RAB27A: variants seen among roughly 807,000 people sequenced by gnomAD.
RAB27A encodes ras-related protein Rab-27A.
RAB27A carries 17 observed loss-of-function variants against 20.8 expected under a neutral mutation model. The observed-to-expected ratio is 0.82, with a 90% CI of 0.56 to 1.23. The LOEUF is 1.23. Among genes scored for constraint, RAB27A ranks in the 50% most tolerant of loss-of-function variants. The probability of loss-of-function intolerance (pLI) is 0.00; values close to 1 mark genes in which losing one functional copy is unlikely to be tolerated. For synonymous variants in RAB27A, 85 were observed against 92.8 expected (o/e 0.92, Z 0.48); for missense variants, 277 against 266.7 (o/e 1.04, Z -0.27).
chr15:55,286,240 T>C (rs572370058), intron 1 of RAB27A, among the ~76,000 whole-genome samples: 8 of 152,312 alleles, frequency 5.3e-5, no homozygotes, highest in Non-Finnish European at 1.2e-4. Flanking sequence ...GTTCCCTTTT[T>C]CATTAGTTCA....
intron 2 of RAB27A, among the ~76,000 whole-genome samples, chr15:55,252,704 GTATC>G (rs57596484): frequency 0.043 from 6,474 of 151,916 alleles, 462 homozygotes; most frequent in African/African-American, 0.15. Context: ...ACAGATATAC[GTATC>G]TATCTATCTA....
At chr15:55,249,280 G>C (rs943195807) in intron 2 of RAB27A, among the ~76,000 whole-genome samples, 2 of 152,136 alleles carry the variant, frequency 1.3e-5, no homozygotes, top group African/African-American at 4.8e-5. Context: ...GAGGAATTAA[G>C]TGTATTTATT....
chr15:55,270,066 A>ATT (rs1897655589), intron 2 of RAB27A, 99 bp downstream of exon 2: 1 of 152,032 alleles, frequency 6.6e-6, no homozygotes, highest in East Asian at 1.9e-4. Flanking sequence ...GTGCAATGGT[A>ATT]TTGTATGTTA....
At chr15:55,256,016 G>T (rs1200356293) in intron 2 of RAB27A, among the ~76,000 whole-genome samples, 1 of 152,102 alleles carries the variant, frequency 6.6e-6, no homozygotes, top group African/African-American at 2.4e-5. Context: ...ATTATTGGAA[G>T]GATTAAAGGG....
In RAB27A at chr15:55,263,082, G is replaced by A. The variant is rs573411502; in HGVS notation, c.-23+7083C>T. Among the ~76,000 whole-genome samples the A allele has an allele frequency of 7.9e-5, 12 of 151,880 alleles. No individual in the cohort carries two copies. In the East Asian group the frequency reaches 1.2e-3, roughly 15 times the overall value. On this transcript the variant is annotated intron_variant, in intron 2 of 6. Coordinates refer to ENST00000336787, the MANE Select transcript of RAB27A (RefSeq NM_183235.3). ...ATTTACCAGCTTTTATATTTATTCC[G>A]CCTTTGATATTTTTCTTTCCTTTCT...
At chr15:55,210,859 T>C (rs142711344) in intron 6 of RAB27A, among the ~76,000 whole-genome samples, 1 of 152,188 alleles carries the variant, frequency 6.6e-6, no homozygotes, top group Non-Finnish European at 1.5e-5. Flanking sequence ...ACCTGGAGTG[T>C]TTCCCAAATG....
At chr15:55,220,001 G>A (rs926433729) in intron 6 of RAB27A, among the ~76,000 whole-genome samples, 1 of 151,804 alleles carries the variant, frequency 6.6e-6, no homozygotes, top group Non-Finnish European at 1.5e-5. Context: ...AGACTCTTAG[G>A]CCACTACAAA....
intron 5 of RAB27A, among the ~76,000 whole-genome samples, chr15:55,226,706 A>G (rs567482970): frequency 6.6e-6 from 1 of 152,074 alleles, no homozygotes; most frequent in East Asian, 1.9e-4. Context: ...CCATCTCTAC[A>G]AAAATACAAA....
chr15:55,310,046 G>A (rs998099169), intron 2 of RAB27A, among the ~76,000 whole-genome samples: 6 of 152,042 alleles, frequency 3.9e-5, no homozygotes, highest in African/African-American at 1.2e-4. Context: ...ACAAACGGGT[G>A]TTCCTTCTCC....
At chr15:55,288,907 C>T (rs1898231628) in intron 1 of RAB27A, 1 of 152,076 alleles carries the variant, frequency 6.6e-6, no homozygotes, top group African/African-American at 2.4e-5. Flanking sequence ...GCACACACAA[C>T]TCTATAATCC....
At chr15:55,260,633 G>T (rs917651467) in intron 2 of RAB27A, among the ~76,000 whole-genome samples, 1 of 152,190 alleles carries the variant, frequency 6.6e-6, no homozygotes, top group Non-Finnish European at 1.5e-5. Context: ...ATCAAGCCAT[G>T]AAAAAACATG....
chr15:55,278,251 C>T (rs1011573434), intron 1 of RAB27A, among the ~76,000 whole-genome samples: 20 of 152,118 alleles, frequency 1.3e-4, no homozygotes, highest in African/African-American at 4.8e-4. Flanking sequence ...TTTCTGATTT[C>T]TCTACTGGAC....
intron 2 of RAB27A, chr15:55,238,247 T>C (rs1199130199): frequency 1.3e-5 from 2 of 152,118 alleles, no homozygotes; most frequent in African/African-American, 4.8e-5. Context: ...GTAGACTGAT[T>C]TGCACGATCT....
At chr15:55,283,283 GC>G (rs1898063884) in intron 1 of RAB27A, among the ~76,000 whole-genome samples, 1 of 152,176 alleles carries the variant, frequency 6.6e-6, no homozygotes, top group Admixed American at 6.5e-5. Context: ...GTGGGGTGGG[GC>G]AGGGGAGAAA....
chr15:55,214,680 T>C (rs1174138572), intron 6 of RAB27A, among the ~76,000 whole-genome samples: 1 of 152,200 alleles, frequency 6.6e-6, no homozygotes, highest in Admixed American at 6.5e-5. Context: ...TCAATCTTTT[T>C]TCCTCCATCT....
chr15:55,220,967 C>T (rs891302168), intron 6 of RAB27A, among the ~76,000 whole-genome samples: 5 of 152,172 alleles, frequency 3.3e-5, no homozygotes, highest in African/African-American at 1.2e-4. Context: ...CTGCTAAATC[C>T]TCTTTTCTCA....
chr15:55,227,082 C>T (rs1013660145), intron 5 of RAB27A, among the ~76,000 whole-genome samples: 2 of 151,992 alleles, frequency 1.3e-5, no homozygotes, highest in South Asian at 2.1e-4. Context: ...ATCTTCAATA[C>T]GTATAAGTGT....
intron 2 of RAB27A, among the ~76,000 whole-genome samples, chr15:55,250,781 T>C (rs1431095898): frequency 6.6e-6 from 1 of 152,248 alleles, no homozygotes; most frequent in Non-Finnish European, 1.5e-5. Flanking sequence ...AGTTCCTGCA[T>C]AGGAAACCTA....
chr15:55,253,975 A>T (rs1490062632), intron 2 of RAB27A, among the ~76,000 whole-genome samples: 1 of 152,178 alleles, frequency 6.6e-6, no homozygotes, highest in Non-Finnish European at 1.5e-5. Flanking sequence ...GTTCAGGGGA[A>T]ATCACAAAAA....
Sources: allele counts gnomAD v4.1 joint callset (sites outside exome capture counted in the v4.1 genomes callset), GRCh38; gene constraint gnomAD v4.1.1; transcripts MANE v1.5; gene names NCBI Gene and HGNC (gene_info 2026-07-23, HGNC 2026-07-21).